TRIP12: variants seen among roughly 807,000 people sequenced by gnomAD.
TRIP12 encodes thyroid hormone receptor interactor 12.
A neutral mutation model predicts 244.2 loss-of-function variants in TRIP12; 25 were observed. That is an observed-to-expected ratio of 0.10 (90% CI 0.07 to 0.14). The LOEUF (loss-of-function observed/expected upper bound fraction) is 0.14. TRIP12 is among the 10% of genes least tolerant of loss of function. The pLI, the probability that TRIP12 is intolerant of heterozygous loss-of-function variation, is 1.00. For missense variants in TRIP12, 1,677 were observed against 2,486.4 expected, an observed-to-expected ratio of 0.67 and a Z score of 6.92; for synonymous variants, 905 against 873.1, an observed-to-expected ratio of 1.04 and a Z score of -0.64.
At chr2:229,922,283 C>T (rs1207093664), upstream of TRIP12, 1 of 555,902 alleles carries the variant, frequency 1.8e-6, no homozygotes, top group Non-Finnish European at 3.2e-6. Flanking sequence ...ACCCCCTCCC[C>T]TCCGTGGTAG....
chr2:229,844,011 C>T (rs114490021), intron 4 of TRIP12, among the ~76,000 whole-genome samples: 9 of 151,830 alleles, frequency 5.9e-5, no homozygotes, highest in Non-Finnish European at 4.4e-5. Context: ...TTCAAAACAG[C>T]GGCAATTTGC....
chr2:229,773,256 A>T (rs984093195), intron 38 of TRIP12, among the ~76,000 whole-genome samples: 8 of 151,882 alleles, frequency 5.3e-5, no homozygotes, highest in Non-Finnish European at 1.2e-4. Context: ...TTGTATTTTT[A>T]GTAGAGATGG....
At position 229,789,462 on chromosome 2, in the gene TRIP12, T is replaced by C. The variant is rs2040879929; in HGVS notation, c.4695+149A>G. The C allele has an allele frequency of 6.5e-6, 5 of 764,276 alleles. 1 individual carries two copies. The highest frequency in any genetic ancestry group is 9.4e-6 in the Non-Finnish European group (5 of 533,194). 47.3% of individuals were successfully genotyped at this position (764,276 alleles called of 1,614,324 possible). A position where few individuals can be genotyped will look rare whatever the true frequency, so the allele number is the denominator to read the frequency against. The stretch of plus-strand genomic sequence containing the variant: ...GACTGTGGGCCAGGAGAAAAAAAAG[T>C]GGGGGAGAAGTTTCCACTGATGAGT... On this transcript the variant is annotated intron_variant, in intron 31 of 41. Transcript: ENST00000675903.
rs1188114630 is a variant in TRIP12 at position 229,859,184 on chromosome 2, A to G, written c.615T>C (p.Ser205=). ...ATCTCTCTTCTGCACCAGTTGATTC[A>G]GACCCGGAGCCACTCTTTACACAAG... ...ESSCVKSGSG[S]ESTGAEERSA... is the part of the protein sequence containing the mutation. Residue 205 remains serine (S), a synonymous_variant, in exon 4 of 42, where the codon TCT becomes TCC. Coordinates refer to ENST00000675903, the MANE Select transcript of TRIP12 (RefSeq NM_001348323.3). The G allele has an allele frequency of 6.2e-7, 1 of 1,614,200 alleles. No homozygotes were observed. Among genetic ancestry groups the G allele is most frequent in the Non-Finnish European group, 8.5e-7 (1 of 1,180,038 alleles).
chr2:229,851,605 A>C (rs1308844131), intron 4 of TRIP12, among the ~76,000 whole-genome samples: 1 of 152,144 alleles, frequency 6.6e-6, no homozygotes, highest in African/African-American at 2.4e-5. Context: ...AAATCTTGCT[A>C]CTGCTCACTC....
chr2:229,879,194 T>G (rs1013142132), intron 2 of TRIP12, among the ~76,000 whole-genome samples: 1 of 152,102 alleles, frequency 6.6e-6, no homozygotes, highest in Non-Finnish European at 1.5e-5. Context: ...GAGGTTGCAG[T>G]GAGCTGAAAT....
At chr2:229,837,214 T>C (rs1288424493) in intron 5 of TRIP12, among the ~76,000 whole-genome samples, 1 of 152,240 alleles carries the variant, frequency 6.6e-6, no homozygotes, top group Non-Finnish European at 1.5e-5. Flanking sequence ...CTGTGAGCTG[T>C]TGTCATCCTC....
intron 26 of TRIP12, among the ~76,000 whole-genome samples, chr2:229,793,924 A>T (rs2042168174): frequency 6.6e-6 from 1 of 152,120 alleles, no homozygotes; most frequent in African/African-American, 2.4e-5. Flanking sequence ...TTCATCTTCC[A>T]ATATAGCCCA....
chr2:229,794,565 CAAAA>C (rs2042341065), intron 26 of TRIP12, among the ~76,000 whole-genome samples: 2 of 122,076 alleles, frequency 1.6e-5, no homozygotes, highest in African/African-American at 7.1e-5. Flanking sequence ...GACTCTGTCC[CAAAA>C]TAAATAAATA....
Position 229,814,266 on chromosome 2 carries a change from C to A in TRIP12, c.1791G>T (p.Leu597Phe). 1 of 1,614,174 alleles carries A rather than the reference C, an allele frequency of 6.2e-7. No homozygotes were observed. Among genetic ancestry groups the A allele is most frequent in the South Asian group, 1.1e-5 (1 of 91,078 alleles). ...GAATGGCTTTACTATGTCTCCGTGA[C>A]AACATCTCCAAGGCAGTCAAGGCCT... ...AEQALTALEM[L>F]SRRHSKAILQ... Residue 597 changes from leucine to phenylalanine, a missense_variant, in exon 12 of 42, where the codon TTG becomes TTT. This residue lies in a region of TRIP12 where 572 missense variants were observed against 867.8 expected (regional missense o/e 0.66). Transcript: ENST00000675903.
At chr2:229,912,229 C>G (rs531393912) in intron 1 of TRIP12, among the ~76,000 whole-genome samples, 3 of 152,306 alleles carry the variant, frequency 2.0e-5, no homozygotes, top group African/African-American at 7.2e-5. Context: ...CTACTTCTAT[C>G]TCCTCCAAAA....
intron 6 of TRIP12, 151 bp from the exon 7 acceptor site, chr2:229,830,990 C>T: frequency 1.4e-6 from 1 of 691,006 alleles, no homozygotes; most frequent in Non-Finnish European, 2.6e-6. Context: ...TTCTTCTAGA[C>T]TTTATCCTGT....
At chr2:229,818,322 A>G in intron 9 of TRIP12, 42 bp downstream of exon 9, 1 of 1,597,132 alleles carries the variant, frequency 6.3e-7, no homozygotes, top group South Asian at 1.1e-5. Flanking sequence ...CAGATTTCAG[A>G]GGACAAATGA....
chr2:229,790,987 A>C (rs2041384701), intron 30 of TRIP12, 137 bp downstream of exon 30: 1 of 1,118,448 alleles, frequency 8.9e-7, no homozygotes, highest in Non-Finnish European at 1.3e-6. Flanking sequence ...AAATGTGATC[A>C]AACTGTTTGT....
intron 4 of TRIP12, among the ~76,000 whole-genome samples, chr2:229,842,360 C>T (rs1397976445): frequency 6.6e-6 from 1 of 152,156 alleles, no homozygotes; most frequent in Non-Finnish European, 1.5e-5. Context: ...AGAGACAGGG[C>T]ATGGCAATAG....
At chr2:229,814,869 TC>T (rs1441113602) in intron 11 of TRIP12, among the ~76,000 whole-genome samples, 1 of 152,212 alleles carries the variant, frequency 6.6e-6, no homozygotes, top group Non-Finnish European at 1.5e-5. Context: ...ACTTTAAAGT[TC>T]TTCTCTGAAA....
At chr2:229,822,545 C>T (rs1365939951) in intron 8 of TRIP12, among the ~76,000 whole-genome samples, 1 of 152,160 alleles carries the variant, frequency 6.6e-6, no homozygotes, top group Non-Finnish European at 1.5e-5. Context: ...AAAACAAGCT[C>T]AAGTCCTGAT....
chr2:229,772,320 A>C (rs2034648760), intron 38 of TRIP12, among the ~76,000 whole-genome samples: 1 of 152,244 alleles, frequency 6.6e-6, no homozygotes, highest in Non-Finnish European at 1.5e-5. Flanking sequence ...ACCTTAATCT[A>C]AATGTTAACT....
At chr2:229,806,009 T>C (rs1479194163) in intron 17 of TRIP12, 126 bp from the exon 18 acceptor site, 3 of 706,908 alleles carry the variant, frequency 4.2e-6, no homozygotes, top group Non-Finnish European at 6.5e-6. Flanking sequence ...ATGGTGAAGT[T>C]AACAGAAGAT....
Sources: allele counts gnomAD v4.1 joint callset (sites outside exome capture counted in the v4.1 genomes callset), GRCh38; gene constraint gnomAD v4.1.1; regional missense constraint gnomAD v4.1.1; transcripts MANE v1.5; gene names NCBI Gene and HGNC (gene_info 2026-07-23, HGNC 2026-07-21).